TRIP12: variants seen among roughly 807,000 people sequenced by gnomAD.
TRIP12 encodes thyroid hormone receptor interactor 12, also known as E3 ubiquitin-protein ligase TRIP12.
TRIP12 carries 25 observed loss-of-function variants against 244.2 expected under a neutral mutation model. The observed-to-expected ratio is 0.10, with a 90% CI of 0.07 to 0.14. TRIP12 has a LOEUF of 0.14. TRIP12 is among the 10% of genes least tolerant of loss of function. The probability of loss-of-function intolerance (pLI) is 1.00; values close to 1 mark genes in which losing one functional copy is unlikely to be tolerated. For synonymous variants in TRIP12, 905 were observed against 873.1 expected, an observed-to-expected ratio of 1.04 and a Z score of -0.64; for missense variants, 1,677 against 2,486.4, an observed-to-expected ratio of 0.67 and a Z score of 6.92.
intron 8 of TRIP12, among the ~76,000 whole-genome samples, chr2:229,826,034 T>C (rs1260200223): frequency 6.6e-6 from 1 of 152,152 alleles, no homozygotes; most frequent in Non-Finnish European, 1.5e-5. Flanking sequence ...TTGGAGGACA[T>C]AAAAATTACT....
intron 1 of TRIP12, among the ~76,000 whole-genome samples, chr2:229,889,175 T>C (rs558752803): frequency 4.1e-4 from 63 of 152,198 alleles, no homozygotes; most frequent in Non-Finnish European, 7.8e-4. Flanking sequence ...CATGAGAAGA[T>C]GACAACTCCA....
At chr2:229,800,508 A>AC (rs1355518149) in intron 21 of TRIP12, among the ~76,000 whole-genome samples, 2 of 152,240 alleles carry the variant, frequency 1.3e-5, no homozygotes, top group Non-Finnish European at 2.9e-5. Context: ...TATGGAATAT[A>AC]CTTAATAATG....
intron 17 of TRIP12, among the ~76,000 whole-genome samples, chr2:229,806,505 A>G (rs967987752): frequency 6.6e-6 from 1 of 152,220 alleles, no homozygotes; most frequent in Non-Finnish European, 1.5e-5. Context: ...TACAGAATCC[A>G]ATCTATGGAA....
At chr2:229,770,681 T>C (rs1366900686) in intron 39 of TRIP12, among the ~76,000 whole-genome samples, 1 of 152,154 alleles carries the variant, frequency 6.6e-6, no homozygotes, top group East Asian at 1.9e-4. Flanking sequence ...CCAAATCTCA[T>C]CTTGAACTGT....
chr2:229,788,174 A>T (rs2040558914), intron 32 of TRIP12, among the ~76,000 whole-genome samples: 1 of 152,230 alleles, frequency 6.6e-6, no homozygotes, highest in Non-Finnish European at 1.5e-5. Context: ...ATAGTGCATT[A>T]AGTAGCCTTT....
At chr2:229,907,474 A>T (rs1342454097) in intron 1 of TRIP12, among the ~76,000 whole-genome samples, 1 of 152,188 alleles carries the variant, frequency 6.6e-6, no homozygotes, top group African/African-American at 2.4e-5. Flanking sequence ...ATCTTCTCAA[A>T]ACTGTCTTTT....
At chr2:229,828,003 A>C (rs1033548405) in intron 8 of TRIP12, among the ~76,000 whole-genome samples, 1 of 152,206 alleles carries the variant, frequency 6.6e-6, no homozygotes, top group Non-Finnish European at 1.5e-5. Context: ...CTAGATGATG[A>C]GCATTTTTCA....
At position 229,798,861 on chromosome 2, in the gene TRIP12, TC is replaced by T. The variant is rs756881869; in HGVS notation, c.3482+13del. On this transcript the variant is annotated intron_variant, in intron 23 of 41. Transcript: ENST00000675903. ...TATGGGAATAGAAGAAACATAAAAC[TC>T]CCCCCACTTCACCTATTATTGGAGA... 4 of 1,609,270 alleles carry T rather than the reference TC, an allele frequency of 2.5e-6. No individual in the cohort carries two copies. The highest frequency in any genetic ancestry group is 1.3e-5 in the African/African-American group (1 of 74,628).
chr2:229,922,529 C>T (rs769314957), upstream of TRIP12: 3 of 1,613,672 alleles, frequency 1.9e-6, no homozygotes, highest in Non-Finnish European at 2.5e-6. Context: ...GTCGTGGCTG[C>T]CGGAGACTCT....
intron 17 of TRIP12, 53 bp downstream of exon 17, chr2:229,807,655 C>CA (rs1559537304): frequency 5.0e-6 from 8 of 1,605,662 alleles, no homozygotes; most frequent in Non-Finnish European, 6.8e-6. Context: ...TCCATCCCTA[C>CA]ACCCACTCTC....
Position 229,815,121 on chromosome 2 carries a change from G to C in TRIP12, c.1709C>G (p.Ala570Gly). Reference protein sequence around the residue: ...LPRSSAVVVDAIPVFLEKLQV... With the variant: ...LPRSSAVVVDGIPVFLEKLQV... ...CACCTTTTCTAAAAAGACAGGAATA[G>C]CATCTACTACAACAGCAGAAGATCG... Residue 570 changes from alanine (A) to glycine (G), a missense_variant, in exon 11 of 42, where the codon GCT (alanine) becomes GGT (glycine). Ala to Gly is a moderately conservative substitution (Grantham distance 60). This residue lies in a region of TRIP12 where 572 missense variants were observed against 867.8 expected (regional missense o/e 0.66). Transcript: ENST00000675903. 1 of 1,612,300 alleles carries C rather than the reference G, an allele frequency of 6.2e-7. No individual in the cohort carries two copies. Among genetic ancestry groups the C allele is most frequent in the Non-Finnish European group, 8.5e-7 (1 of 1,179,262 alleles).
At chr2:229,884,397 C>T (rs1368383942) in intron 1 of TRIP12, among the ~76,000 whole-genome samples, 21 of 151,780 alleles carry the variant, frequency 1.4e-4, no homozygotes, top group African/African-American at 3.9e-4. Context: ...CCACCATACC[C>T]GGCTAATTTT....
In TRIP12 at chr2:229,802,332, A is replaced by G. The variant is rs765843809; in HGVS notation, c.3126T>C (p.Ala1042=). 17 of 1,613,616 alleles carry G rather than the reference A, an allele frequency of 1.1e-5. No homozygotes were observed. In the South Asian group the frequency reaches 1.8e-4, roughly 17 times the overall value. ...TTSVSSGTAT[A]ATHAAADLGS... ...CCAAGTCAGCTGCAGCATGAGTGGC[A>G]GCTGTGGCTGTCCCACTGCTGACTG... is the stretch of plus-strand genomic sequence containing the variant. Residue 1042 remains alanine (A), a synonymous_variant, in exon 21 of 42, where the codon GCT becomes GCC. Transcript: ENST00000675903.
chr2:229,920,514 C>T (rs1183825934), intron 1 of TRIP12, among the ~76,000 whole-genome samples: 1 of 152,090 alleles, frequency 6.6e-6, no homozygotes, highest in Non-Finnish European at 1.5e-5. Context: ...ATTCCCTCCC[C>T]CAATTAACTA....
At chr2:229,790,785 C>T (rs1434640583) in intron 30 of TRIP12, among the ~76,000 whole-genome samples, 1 of 152,102 alleles carries the variant, frequency 6.6e-6, no homozygotes, top group African/African-American at 2.4e-5. Context: ...AAATTAGGGG[C>T]CAATTGGCCA....
At chr2:229,920,065 C>G (rs1054459188) in intron 1 of TRIP12, among the ~76,000 whole-genome samples, 9 of 152,274 alleles carry the variant, frequency 5.9e-5, no homozygotes, top group African/African-American at 1.2e-4. Context: ...ATTCCTCAAC[C>G]CCCCCGGGGT....
chr2:229,920,511 C>T (rs752482836), intron 1 of TRIP12, among the ~76,000 whole-genome samples: 10 of 152,066 alleles, frequency 6.6e-5, no homozygotes, highest in Non-Finnish European at 1.2e-4. Flanking sequence ...CACATTCCCT[C>T]CCCCAATTAA....
intron 34 of TRIP12, among the ~76,000 whole-genome samples, chr2:229,785,152 A>T (rs2039599977): frequency 6.6e-6 from 1 of 152,254 alleles, no homozygotes; most frequent in African/African-American, 2.4e-5. Context: ...ACATGGATGA[A>T]TCTCAAAAGC....
At position 229,865,443 on chromosome 2, in the gene TRIP12, C is replaced by G. The variant is rs554508549; in HGVS notation, c.99-4912G>C. On this transcript the variant is annotated intron_variant, in intron 2 of 41. Transcript: ENST00000675903. The stretch of plus-strand genomic sequence containing the variant: ...ATTCCTATTATAGGTATTACACTGC[C>G]TGAATTTAATTTTTATGCTAGACAT... Among the ~76,000 whole-genome samples, 77 of 151,346 alleles carry G rather than the reference C, an allele frequency of 5.1e-4. 1 individual carries two copies. The highest frequency in any genetic ancestry group is 1.2e-3 in the Admixed American group (18 of 15,164).
Sources: allele counts gnomAD v4.1 joint callset (sites outside exome capture counted in the v4.1 genomes callset), GRCh38; gene constraint gnomAD v4.1.1; regional missense constraint gnomAD v4.1.1; transcripts MANE v1.5; gene names NCBI Gene and HGNC (gene_info 2026-07-23, HGNC 2026-07-21).